The following LRMDA variants were observed in gnomAD, a reference collection of about 807,000 sequenced individuals.
The protein encoded by LRMDA is leucine rich melanocyte differentiation associated, also known as leucine-rich melanocyte differentiation-associated protein.
A neutral mutation model predicts 29.8 loss-of-function variants in LRMDA; 18 were observed. That is an observed-to-expected ratio of 0.60 (90% CI 0.42 to 0.90). The LOEUF (loss-of-function observed/expected upper bound fraction) is 0.90, where lower values mean the gene tolerates loss of function less well. Ranked by LOEUF, LRMDA falls within the 40% of genes least tolerant of loss-of-function variation. The pLI, the probability that LRMDA is intolerant of heterozygous loss-of-function variation, is 0.00. For synonymous variants in LRMDA, 125 were observed against 109.4 expected, an observed-to-expected ratio of 1.14 and a Z score of -0.89; for missense variants, 273 against 273.9, an observed-to-expected ratio of 1.00 and a Z score of 0.02.
intron 6 of LRMDA, among the ~76,000 whole-genome samples, chr10:76,537,353 T>G (rs1843302339): frequency 6.6e-6 from 1 of 152,242 alleles, no homozygotes; most frequent in African/African-American, 2.4e-5. Context: ...TTAATCATAA[T>G]TTCTTACAGA....
rs563956167 is a variant in LRMDA at position 75,816,889 on chromosome 10, G to T, written c.132-219119G>T. Among the ~76,000 whole-genome samples, 3 of 152,294 alleles carry T rather than the reference G, an allele frequency of 2.0e-5. No homozygotes were observed. The South Asian group carries it at 6.2e-4, about 32-fold the overall frequency. On this transcript the variant is annotated intron_variant, in intron 2 of 6. Transcript: ENST00000611255. ...ACATTTCAGCTCTTCTACCTGGTTAGTATTCTCTGCTGTCATAGGTTCAAG... is the reference window on the plus strand; with the variant it reads ...ACATTTCAGCTCTTCTACCTGGTTATTATTCTCTGCTGTCATAGGTTCAAG...
chr10:75,610,528 C>T (rs1450523628), intron 2 of LRMDA, among the ~76,000 whole-genome samples: 2 of 151,996 alleles, frequency 1.3e-5, no homozygotes, highest in African/African-American at 2.4e-5. Context: ...TGTAAATATA[C>T]AAAGTACAGT....
At chr10:76,094,453 G>A (rs1347868622) in intron 5 of LRMDA, among the ~76,000 whole-genome samples, 1 of 151,926 alleles carries the variant, frequency 6.6e-6, no homozygotes, top group Non-Finnish European at 1.5e-5. Context: ...TGTTGCTTAG[G>A]AACACTACAT....
intron 5 of LRMDA, among the ~76,000 whole-genome samples, chr10:76,159,280 T>G (rs1002978849): frequency 3.3e-5 from 5 of 152,104 alleles, no homozygotes; most frequent in African/African-American, 1.2e-4. Flanking sequence ...ATTAAAAACT[T>G]TATGAGTGCC....
At chr10:75,468,681 C>T (rs527732318) in intron 2 of LRMDA, among the ~76,000 whole-genome samples, 27 of 151,842 alleles carry the variant, frequency 1.8e-4, no homozygotes, top group East Asian at 9.7e-4. Context: ...CAGGTCTTTG[C>T]GGGGGGCTGT....
In LRMDA at chr10:76,520,023, G is replaced by T. The variant is rs533007560; in HGVS notation, c.602-37186G>T. Among the ~76,000 whole-genome samples, 247 of 151,946 alleles carry T rather than the reference G, an allele frequency of 1.6e-3. 4 individuals carry two copies. The Middle Eastern group carries it at 0.017, about 10-fold the overall frequency. On this transcript the variant is annotated intron_variant, in intron 6 of 6. Coordinates refer to ENST00000611255, the MANE Select transcript of LRMDA (RefSeq NM_001305581.2). The stretch of plus-strand genomic sequence containing the variant: ...ATTTTCTTGTATTTTTTCTTCCTTT[G>T]CTTTTATTGTATATCCCTAGAGATT...
rs908681373 is a variant in LRMDA, at chr10:76,151,332, A to C, written c.516+92549A>C. Among the ~76,000 whole-genome samples, 8 of 152,254 alleles carry C rather than the reference A, an allele frequency of 5.3e-5. 1 individual carries two copies. The East Asian group carries it at 1.5e-3, about 29-fold the overall frequency. On this transcript the variant is annotated intron_variant, in intron 5 of 6. Transcript: ENST00000611255. ...TGTTCTTCTGAAAGAGGTCTCCCCG[A>C]CCACGTTTTCTAAAGCAGTTGCCTA...
intron 5 of LRMDA, among the ~76,000 whole-genome samples, chr10:76,182,012 T>G (rs1042681052): frequency 6.6e-6 from 1 of 152,362 alleles, no homozygotes; most frequent in Middle Eastern, 3.4e-3. Flanking sequence ...TGACCCCATT[T>G]TTTTATTTGG....
At chr10:75,566,433 G>C (rs1459480040) in intron 2 of LRMDA, among the ~76,000 whole-genome samples, 1 of 152,142 alleles carries the variant, frequency 6.6e-6, no homozygotes, top group Non-Finnish European at 1.5e-5. Flanking sequence ...TACTGAGTTA[G>C]AATCCTCATT....
intron 2 of LRMDA, among the ~76,000 whole-genome samples, chr10:76,001,689 A>G (rs1327364242): frequency 2.0e-5 from 3 of 151,568 alleles, no homozygotes; most frequent in African/African-American, 7.3e-5. Flanking sequence ...TGCAATTTTT[A>G]TTTCACATTT....
intron 6 of LRMDA, among the ~76,000 whole-genome samples, chr10:76,373,679 C>G (rs1298162554): frequency 6.6e-6 from 1 of 152,014 alleles, no homozygotes; most frequent in South Asian, 2.1e-4. Flanking sequence ...TTTATGTACA[C>G]AGCTCATTTT....
At chr10:76,067,474 A>G (rs1848803330) in intron 5 of LRMDA, among the ~76,000 whole-genome samples, 1 of 152,182 alleles carries the variant, frequency 6.6e-6, no homozygotes, top group Admixed American at 6.5e-5. Context: ...GAGGAAAATA[A>G]AGATGTTTAC....
At chr10:75,934,542 A>C (rs756215102) in intron 2 of LRMDA, among the ~76,000 whole-genome samples, 3 of 152,130 alleles carry the variant, frequency 2.0e-5, no homozygotes, top group Non-Finnish European at 4.4e-5. Flanking sequence ...TAGAAGACAG[A>C]GTGTGTGCCA....
At chr10:75,782,712 G>C (rs1564566624) in intron 2 of LRMDA, 2 of 1,281,214 alleles carry the variant, frequency 1.6e-6, no homozygotes, top group Non-Finnish European at 2.0e-6. Context: ...CCAGGCACTT[G>C]TGAGATGGAG....
At chr10:76,421,837 C>T (rs933741794) in intron 6 of LRMDA, among the ~76,000 whole-genome samples, 1 of 152,204 alleles carries the variant, frequency 6.6e-6, no homozygotes, top group Middle Eastern at 3.4e-3. Context: ...TTTGTCTCTT[C>T]GTATGCCACA....
chr10:75,697,834 A>AGTGTGTGTGTGTGTGTGTGT (rs377639647), intron 2 of LRMDA, among the ~76,000 whole-genome samples: 170 of 132,138 alleles, frequency 1.3e-3, no homozygotes, highest in Middle Eastern at 8.1e-3. Flanking sequence ...TGCATGTAAG[A>AGTGTGTGTGTGTGTGTGTGT]GTGTGTGTGT....
chr10:76,316,859 G>T (rs1840706540), intron 5 of LRMDA, among the ~76,000 whole-genome samples: 1 of 152,222 alleles, frequency 6.6e-6, no homozygotes, highest in Non-Finnish European at 1.5e-5. Context: ...TTTGTTTGTA[G>T]ATAGGATATT....
intron 2 of LRMDA, among the ~76,000 whole-genome samples, chr10:75,521,159 G>T (rs958385863): frequency 2.2e-4 from 33 of 152,214 alleles, no homozygotes; most frequent in Non-Finnish European, 4.0e-4. Flanking sequence ...CTACAGGGGG[G>T]TCAGGCTCCC....
chr10:76,283,360 G>T (rs1422741051), intron 5 of LRMDA, among the ~76,000 whole-genome samples: 1 of 152,146 alleles, frequency 6.6e-6, no homozygotes, highest in East Asian at 1.9e-4. Context: ...CCTGTTGTTG[G>T]AGGTCAGAAG....
Sources: gnomAD v4.1 joint callset for allele counts (sites outside exome capture counted in the v4.1 genomes callset) on GRCh38, gnomAD v4.1.1 for gene constraint, MANE v1.5 for transcripts, NCBI Gene and HGNC (gene_info 2026-07-23, HGNC 2026-07-21) for gene names.